C12orf42: variants seen among roughly 807,000 people sequenced by gnomAD.
C12orf42 encodes uncharacterized protein C12orf42.
A neutral mutation model predicts 21.6 loss-of-function variants in C12orf42; 25 were observed. That is an observed-to-expected ratio of 1.16 (90% CI 0.84 to 1.62). C12orf42 has a LOEUF of 1.62. Ranked by LOEUF, C12orf42 falls within the 40% of genes most tolerant of loss-of-function variation. The pLI, the probability that C12orf42 is intolerant of heterozygous loss-of-function variation, is 0.00. For missense variants in C12orf42, 483 were observed against 459.3 expected, an observed-to-expected ratio of 1.05 and a Z score of -0.47; for synonymous variants, 174 against 175.0, an observed-to-expected ratio of 0.99 and a Z score of 0.05.
At chr12:103,093,220 T>C in the C12orf42 span, among the ~76,000 whole-genome samples, 1 of 152,356 alleles carries the variant, frequency 6.6e-6, no homozygotes, top group South Asian at 2.1e-4. Context: ...CCAATTCAGC[T>C]TGACCATGTC....
chr12:103,439,712 C>T (rs11111582), intron 2 of C12orf42, among the ~76,000 whole-genome samples: 91,740 of 151,418 alleles, frequency 0.61, 29,217 homozygotes, highest in Admixed American at 0.72. Context: ...AATGAGATAC[C>T]ATCTCACACC....
At chr12:103,522,895 G>C in the C12orf42 span, among the ~76,000 whole-genome samples, 1 of 152,184 alleles carries the variant, frequency 6.6e-6, no homozygotes, top group African/African-American at 2.4e-5. Context: ...ACAGTCAGAG[G>C]CTACTCTGCT....
intron 3 of C12orf42, among the ~76,000 whole-genome samples, chr12:103,388,121 CT>C (rs2046768222): frequency 6.6e-6 from 1 of 152,354 alleles, no homozygotes; most frequent in East Asian, 1.9e-4. Context: ...TACTCTGCCC[CT>C]CCAGCGTGGA....
downstream of C12orf42, among the ~76,000 whole-genome samples, chr12:103,263,630 C>T (rs1174138938): frequency 6.6e-6 from 1 of 152,176 alleles, no homozygotes; most frequent in Non-Finnish European, 1.5e-5. Context: ...TCCACACGTG[C>T]TCAGCCTTAT....
chr12:103,407,088 A>G (rs1017357734), intron 2 of C12orf42, among the ~76,000 whole-genome samples: 7 of 152,172 alleles, frequency 4.6e-5, no homozygotes, highest in African/African-American at 4.8e-5. Flanking sequence ...AGCCAAGGCA[A>G]TATCACTGAG....
At chr12:103,158,935 T>C in the C12orf42 span, among the ~76,000 whole-genome samples, 1 of 151,264 alleles carries the variant, frequency 6.6e-6, no homozygotes, top group African/African-American at 2.4e-5. Context: ...TTTACATCAA[T>C]TACAATAAAT....
At chr12:103,365,763 T>C (rs1170998052) in intron 4 of C12orf42, among the ~76,000 whole-genome samples, 1 of 151,932 alleles carries the variant, frequency 6.6e-6, no homozygotes, top group East Asian at 1.9e-4. Flanking sequence ...TAGGAATACC[T>C]AACCAAGGAG....
At chr12:103,290,825 C>T (rs887266612) in intron 4 of C12orf42, among the ~76,000 whole-genome samples, 3 of 151,644 alleles carry the variant, frequency 2.0e-5, no homozygotes, top group South Asian at 2.1e-4. Flanking sequence ...CTTTAGAAAA[C>T]GTGTAGAATG....
At chr12:103,348,040 G>A (rs1192812670) in intron 4 of C12orf42, among the ~76,000 whole-genome samples, 1 of 152,088 alleles carries the variant, frequency 6.6e-6, no homozygotes, top group Non-Finnish European at 1.5e-5. Context: ...ACTATTCACA[G>A]GGAGAAACGA....
intron 2 of C12orf42, among the ~76,000 whole-genome samples, chr12:103,471,032 G>A (rs1216424630): frequency 1.3e-5 from 2 of 152,134 alleles, no homozygotes; most frequent in African/African-American, 4.8e-5. Context: ...AATGATTGTT[G>A]TTTTATACTC....
At chr12:103,520,688 A>G in the C12orf42 span, among the ~76,000 whole-genome samples, 1 of 152,212 alleles carries the variant, frequency 6.6e-6, no homozygotes. Flanking sequence ...TCTCAAAAAC[A>G]TAATGAAAAA....
the C12orf42 span, among the ~76,000 whole-genome samples, chr12:103,185,816 C>T: frequency 1.3e-4 from 20 of 152,272 alleles, no homozygotes; most frequent in African/African-American, 4.6e-4. Context: ...CACCTCCCGC[C>T]GTGATTCTGA....
chr12:103,532,176 C>A, the C12orf42 span, among the ~76,000 whole-genome samples: 1 of 152,198 alleles, frequency 6.6e-6, no homozygotes, highest in East Asian at 1.9e-4. Context: ...AAAGCTATAT[C>A]TTCTAACTCC....
At chr12:103,458,524 T>C (rs1435576479) in intron 2 of C12orf42, among the ~76,000 whole-genome samples, 1 of 152,132 alleles carries the variant, frequency 6.6e-6, no homozygotes, top group African/African-American at 2.4e-5. Context: ...GAGATAAAAA[T>C]ATCTACCTGA....
Position 103,460,271 on chromosome 12 carries a change from CAA to C in C12orf42, c.78+18076_78+18077del, listed in dbSNP as rs34037201. 2.5e-3 allele frequency among the ~76,000 whole-genome samples: 263 copies of C among 105,008 alleles called. 1 individual carries two copies. The highest frequency in any genetic ancestry group is 7.9e-3 in the African/African-American group (245 of 30,996). 68.9% of individuals were successfully genotyped at this position (105,008 alleles called of 152,430 possible). A position where few individuals can be genotyped will look rare whatever the true frequency, so the allele number is the denominator to read the frequency against. On this transcript the variant is annotated intron_variant, in intron 2 of 5. Coordinates refer to ENST00000548883, the MANE Select transcript of C12orf42 (RefSeq NM_198521.5). ...ATTCTCTTCCAAACATTGGACAGAA[CAA>C]AAAAAAAAAAGAGAGAGAGAGAGAG...
intron 2 of C12orf42, among the ~76,000 whole-genome samples, chr12:103,472,523 C>G (rs1327937370): frequency 6.6e-6 from 1 of 152,190 alleles, no homozygotes; most frequent in Non-Finnish European, 1.5e-5. Flanking sequence ...GGCCACAGCC[C>G]TCACCAGGCT....
the C12orf42 span, among the ~76,000 whole-genome samples, chr12:103,531,215 T>C: frequency 6.6e-6 from 1 of 152,242 alleles, no homozygotes; most frequent in African/African-American, 2.4e-5. Context: ...AGTTTCTTGA[T>C]GACATTAAAA....
At chr12:103,208,410 G>A in the C12orf42 span, among the ~76,000 whole-genome samples, 57 of 152,226 alleles carry the variant, frequency 3.7e-4, no homozygotes, top group Middle Eastern at 3.4e-3. Context: ...GCAGTGTACC[G>A]TGAAATGGTA....
At chr12:103,354,486 C>A (rs970453845) in intron 4 of C12orf42, among the ~76,000 whole-genome samples, 2 of 152,064 alleles carry the variant, frequency 1.3e-5, no homozygotes, top group East Asian at 1.9e-4. Flanking sequence ...ACAATCAATG[C>A]GGTTCATCAG....
Sources: allele counts gnomAD v4.1 joint callset (sites outside exome capture counted in the v4.1 genomes callset), GRCh38; gene constraint gnomAD v4.1.1; transcripts MANE v1.5; gene names NCBI Gene and HGNC (gene_info 2026-07-23, HGNC 2026-07-21).